The following TMTC2 variants were observed in gnomAD, a reference collection of about 807,000 sequenced individuals.
TMTC2 encodes the protein transmembrane O-mannosyltransferase targeting cadherins 2.
A neutral mutation model predicts 82.4 loss-of-function variants in TMTC2; 43 were observed. The observed-to-expected ratio is 0.52, with a 90% CI of 0.41 to 0.67. The LOEUF is 0.67. Ranked by LOEUF, TMTC2 falls within the 30% of genes least tolerant of loss-of-function variation. The probability of loss-of-function intolerance (pLI) is 0.00; values close to 1 mark genes in which losing one functional copy is unlikely to be tolerated. For synonymous variants in TMTC2, 408 were observed against 381.9 expected, an observed-to-expected ratio of 1.07 and a Z score of -0.80; for missense variants, 919 against 1,012.4, an observed-to-expected ratio of 0.91 and a Z score of 1.25.
At chr12:82,882,663 A>G (rs758123366) in intron 2 of TMTC2, among the ~76,000 whole-genome samples, 6 of 152,126 alleles carry the variant, frequency 3.9e-5, no homozygotes, top group East Asian at 1.9e-4. Context: ...AAGTGCCACA[A>G]TGCTGTCTGG....
At chr12:83,046,505 G>C (rs551890377) in intron 9 of TMTC2, among the ~76,000 whole-genome samples, 1 of 152,206 alleles carries the variant, frequency 6.6e-6, no homozygotes, top group Non-Finnish European at 1.5e-5. Context: ...AGGTAACTTT[G>C]CAGGCCCTGT....
chr12:83,049,186 G>A (rs1882254066), intron 9 of TMTC2, among the ~76,000 whole-genome samples: 1 of 152,048 alleles, frequency 6.6e-6, no homozygotes, highest in Admixed American at 6.5e-5. Context: ...TGATACACGT[G>A]TGGGATACAC....
intron 1 of TMTC2, among the ~76,000 whole-genome samples, chr12:82,801,328 G>A (rs1329460296): frequency 2.0e-5 from 3 of 152,158 alleles, no homozygotes; most frequent in Non-Finnish European, 2.9e-5. Context: ...TTCACCATGA[G>A]TGTTACAGTT....
In TMTC2 at chr12:82,903,809, A is replaced by G. The variant is rs185007514; in HGVS notation, c.1483+7163A>G. ...AGTAATGGATATGTTCAGTATTATT[A>G]CAGTCATAGTCCTTCTCTTTAAGGA... On this transcript the variant is annotated intron_variant, in intron 3 of 11. Coordinates refer to ENST00000321196, the MANE Select transcript of TMTC2 (RefSeq NM_152588.3). Among the ~76,000 whole-genome samples, 438 of 152,342 alleles carry G rather than the reference A, an allele frequency of 2.9e-3. 2 individuals are homozygous for G. The highest frequency in any genetic ancestry group is 0.01 in the African/African-American group (418 of 41,582).
intron 1 of TMTC2, among the ~76,000 whole-genome samples, chr12:82,838,621 CT>C (rs1009632118): frequency 6.6e-6 from 1 of 152,186 alleles, no homozygotes; most frequent in Admixed American, 6.5e-5. Flanking sequence ...TGTGAACCCC[CT>C]GGTCTTTTAC....
chr12:82,738,186 A>G lies in TMTC2; in HGVS notation c.83+50517A>G, dbSNP rs749322469. On this transcript the variant is annotated intron_variant, in intron 1 of 11. Transcript: ENST00000321196. ...TCATTTGCAAGCTTGAAAAGGACCA[A>G]TGGCAGAAATTAAGTGCTCCCTTAA... 7.9e-5 allele frequency among the ~76,000 whole-genome samples: 12 copies of G among 152,308 alleles called. 1 individual carries two copies. The highest frequency in any genetic ancestry group is 1.7e-4 in the African/African-American group (7 of 41,568).
chr12:82,886,925 G>A (rs891131116), intron 2 of TMTC2, among the ~76,000 whole-genome samples: 3 of 152,178 alleles, frequency 2.0e-5, no homozygotes, highest in South Asian at 4.1e-4. Flanking sequence ...ACTATTTTGG[G>A]AAGGAGGAGA....
At chr12:82,759,762 G>A (rs1876511682) in intron 1 of TMTC2, 1 of 152,190 alleles carries the variant, frequency 6.6e-6, no homozygotes, top group Non-Finnish European at 1.5e-5. Context: ...GCCCAAAGGC[G>A]AGTTTGTAAA....
At chr12:83,067,823 A>G (rs1882972322) in intron 11 of TMTC2, among the ~76,000 whole-genome samples, 1 of 152,008 alleles carries the variant, frequency 6.6e-6, no homozygotes, top group South Asian at 2.1e-4. Flanking sequence ...TAACTGTTGT[A>G]TTTGCATTTT....
chr12:83,084,675 G>T (rs1401442567), intron 11 of TMTC2, among the ~76,000 whole-genome samples: 1 of 152,300 alleles, frequency 6.6e-6, no homozygotes, highest in Middle Eastern at 3.4e-3. Context: ...CTGTGCTATT[G>T]TCTGTGGATG....
chr12:82,912,168 T>C (rs1215774061), intron 3 of TMTC2, among the ~76,000 whole-genome samples: 1 of 152,212 alleles, frequency 6.6e-6, no homozygotes, highest in African/African-American at 2.4e-5. Flanking sequence ...TATGTTTTAA[T>C]TATGAAAAAT....
chr12:83,050,846 G>A, intron 9 of TMTC2, 58 bp from the exon 10 acceptor site: 1 of 1,206,376 alleles, frequency 8.3e-7, no homozygotes, highest in Non-Finnish European at 1.2e-6. Flanking sequence ...TTTAATAACA[G>A]CTTTATTGTT....
At chr12:83,115,323 G>T (rs1358286875) in intron 11 of TMTC2, among the ~76,000 whole-genome samples, 1 of 152,008 alleles carries the variant, frequency 6.6e-6, no homozygotes, top group Non-Finnish European at 1.5e-5. Context: ...CAAAGGAAAA[G>T]AAAAAAAGAT....
intron 1 of TMTC2, among the ~76,000 whole-genome samples, chr12:82,716,218 CT>C (rs1215904401): frequency 6.6e-6 from 1 of 152,124 alleles, no homozygotes; most frequent in Non-Finnish European, 1.5e-5. Flanking sequence ...AAAGAGCAAG[CT>C]TTTTATTTCT....
intron 1 of TMTC2, among the ~76,000 whole-genome samples, chr12:82,778,967 G>T (rs1016051965): frequency 1.3e-5 from 2 of 150,422 alleles, no homozygotes; most frequent in Admixed American, 1.3e-4. Context: ...AACCCAGGAG[G>T]TGGAGGTTGC....
At chr12:82,860,621 G>C (rs1343672374) in intron 2 of TMTC2, among the ~76,000 whole-genome samples, 3 of 152,216 alleles carry the variant, frequency 2.0e-5, no homozygotes, top group Non-Finnish European at 4.4e-5. Flanking sequence ...GGTGTTCAGT[G>C]TGAGCTGAAG....
At chr12:82,739,950 A>G (rs1165670047) in intron 1 of TMTC2, among the ~76,000 whole-genome samples, 1 of 151,992 alleles carries the variant, frequency 6.6e-6, no homozygotes, top group Non-Finnish European at 1.5e-5. Context: ...ATAAAGATGA[A>G]ATGGAACATG....
At chr12:82,744,181 G>C (rs1875561586) in intron 1 of TMTC2, among the ~76,000 whole-genome samples, 1 of 152,198 alleles carries the variant, frequency 6.6e-6, no homozygotes, top group South Asian at 2.1e-4. Context: ...CAGCACTTTG[G>C]GAGGCCGAGG....
chr12:82,857,894 A>T (rs1361801870), intron 2 of TMTC2, among the ~76,000 whole-genome samples: 1 of 152,220 alleles, frequency 6.6e-6, no homozygotes, highest in Non-Finnish European at 1.5e-5. Flanking sequence ...AATTGTCTAT[A>T]ATCTGATAAA....
Sources: allele counts gnomAD v4.1 joint callset (sites outside exome capture counted in the v4.1 genomes callset), GRCh38; gene constraint gnomAD v4.1.1; transcripts MANE v1.5; gene names NCBI Gene and HGNC (gene_info 2026-07-23, HGNC 2026-07-21).